Variants in NMNAT2 observed in about 807,000 individuals in gnomAD.
NMNAT2 encodes the protein nicotinamide nucleotide adenylyltransferase 2, also known as nicotinamide/nicotinic acid mononucleotide adenylyltransferase 2.
A neutral mutation model predicts 41.6 loss-of-function variants in NMNAT2; 11 were observed. The ratio of observed to expected loss-of-function variants is 0.26; its 90% CI spans 0.17 to 0.44. The LOEUF is 0.44. Ranked by LOEUF, NMNAT2 falls within the 20% of genes least tolerant of loss-of-function variation. The pLI, the probability that NMNAT2 is intolerant of heterozygous loss-of-function variation, is 1.00. For missense variants in NMNAT2, 288 were observed against 407.7 expected (o/e 0.71, Z 2.53); for synonymous variants, 148 against 151.2 (o/e 0.98, Z 0.16).
intron 8 of NMNAT2, among the ~76,000 whole-genome samples, chr1:183,275,817 A>G (rs554330010): frequency 2.0e-5 from 3 of 152,008 alleles, no homozygotes; most frequent in Admixed American, 2.0e-4. Context: ...GGACTACAGG[A>G]GCCCGCCACC....
At chr1:183,304,782 T>C in intron 1 of NMNAT2, 1 of 1,613,108 alleles carries the variant, frequency 6.2e-7, no homozygotes, top group Non-Finnish European at 8.5e-7. Flanking sequence ...AGCCCTGTGC[T>C]GGCCATCAGA....
chr1:183,304,693 C>T, intron 1 of NMNAT2: 1 of 1,614,104 alleles, frequency 6.2e-7, no homozygotes, highest in Non-Finnish European at 8.5e-7. Flanking sequence ...AAACACTTCC[C>T]AGAGCCCCTG....
At chr1:183,385,598 A>AT (rs908145581) in intron 1 of NMNAT2, among the ~76,000 whole-genome samples, 1,728 of 145,130 alleles carry the variant, frequency 0.012, 15 homozygotes, top group Middle Eastern at 0.069. Flanking sequence ...AGAGCCTGGA[A>AT]TTTTTTTTTT....
intron 1 of NMNAT2, among the ~76,000 whole-genome samples, chr1:183,415,677 C>A (rs550580997): frequency 6.6e-6 from 1 of 152,262 alleles, no homozygotes; most frequent in East Asian, 1.9e-4. Context: ...TAATGTTTTT[C>A]TTATAAGGTT....
chr1:183,336,866 C>T (rs1662686925), intron 1 of NMNAT2, among the ~76,000 whole-genome samples: 1 of 152,162 alleles, frequency 6.6e-6, no homozygotes, highest in African/African-American at 2.4e-5. Context: ...CAATGGAATA[C>T]TTCATAGCAA....
At chr1:183,312,054 C>A (rs1662135356) in intron 1 of NMNAT2, among the ~76,000 whole-genome samples, 2 of 152,126 alleles carry the variant, frequency 1.3e-5, no homozygotes. Flanking sequence ...GAGGCCTCCC[C>A]AGCCACATGG....
chr1:183,299,463 G>A (rs1661791310), intron 1 of NMNAT2, among the ~76,000 whole-genome samples: 1 of 152,194 alleles, frequency 6.6e-6, no homozygotes, highest in African/African-American at 2.4e-5. Flanking sequence ...TCTGAGTGAA[G>A]AAAAGGCAAT....
intron 1 of NMNAT2, among the ~76,000 whole-genome samples, chr1:183,410,553 A>C (rs1340913429): frequency 6.6e-6 from 1 of 151,916 alleles, no homozygotes; most frequent in Non-Finnish European, 1.5e-5. Flanking sequence ...CACTAAAAAA[A>C]ATGCTGGGTC....
chr1:183,330,672 G>A (rs1239675559), intron 1 of NMNAT2, among the ~76,000 whole-genome samples: 1 of 152,200 alleles, frequency 6.6e-6, no homozygotes, highest in Non-Finnish European at 1.5e-5. Context: ...CGCTACAAAT[G>A]TTAAGCACAG....
intron 8 of NMNAT2, among the ~76,000 whole-genome samples, 169 bp from the exon 9 acceptor site, chr1:183,261,472 C>T (rs561608825): frequency 2.6e-5 from 4 of 152,204 alleles, no homozygotes; most frequent in Admixed American, 6.5e-5. Flanking sequence ...CAAGGAACAA[C>T]ACTTAACAGT....
chr1:183,293,867 G>A lies in NMNAT2; in HGVS notation c.86-74C>T, dbSNP rs1018791072. 8 of 1,018,060 alleles carry A rather than the reference G, an allele frequency of 7.9e-6. No homozygotes were observed. In the African/African-American group the frequency reaches 7.9e-5, roughly 10 times the overall value. The allele number at this position is 1,018,060 out of a possible 1,614,324, so 63.1% of individuals were successfully genotyped here. A position where few individuals can be genotyped will look rare whatever the true frequency, so the allele number is the denominator to read the frequency against. ...TAAAGGTGATAATTGAAATCAATACGCTCAGCTCTGTAATGCTGGGGTTTA... is the reference window on the plus strand; with the variant it reads ...TAAAGGTGATAATTGAAATCAATACACTCAGCTCTGTAATGCTGGGGTTTA... On this transcript the variant is annotated intron_variant, in intron 1 of 10. Transcript: ENST00000287713.
chr1:183,367,442 G>A (rs565018223), intron 1 of NMNAT2, among the ~76,000 whole-genome samples: 1 of 152,232 alleles, frequency 6.6e-6, no homozygotes, highest in East Asian at 1.9e-4. Context: ...TGGGCAACAA[G>A]CGCAAAACTC....
At chr1:183,265,542 G>A (rs973579887) in intron 8 of NMNAT2, among the ~76,000 whole-genome samples, 3 of 152,052 alleles carry the variant, frequency 2.0e-5, no homozygotes, top group East Asian at 3.9e-4. Context: ...TGGGATTACA[G>A]GTGTGAGCCA....
intron 4 of NMNAT2, 74 bp downstream of exon 4, chr1:183,290,053 TG>T: frequency 8.2e-7 from 1 of 1,216,312 alleles, no homozygotes; most frequent in Non-Finnish European, 1.2e-6. Context: ...TCTCCCTGCC[TG>T]GTTTCTGTGG....
chr1:183,393,484 A>G (rs1363299263), intron 1 of NMNAT2, among the ~76,000 whole-genome samples: 1 of 152,100 alleles, frequency 6.6e-6, no homozygotes, highest in African/African-American at 2.4e-5. Flanking sequence ...TTTAAAAAAA[A>G]AAAACAGCTT....
intron 1 of NMNAT2, among the ~76,000 whole-genome samples, chr1:183,368,263 G>A (rs1367426344): frequency 6.6e-6 from 1 of 152,150 alleles, no homozygotes. Flanking sequence ...AGCTCGGAGG[G>A]CTTTGCAGAG....
intron 8 of NMNAT2, among the ~76,000 whole-genome samples, chr1:183,264,364 G>T (rs1049730625): frequency 6.6e-6 from 1 of 151,896 alleles, no homozygotes; most frequent in East Asian, 1.9e-4. Flanking sequence ...GCTGTTCAGT[G>T]GGCGGCAAGC....
chr1:183,297,555 T>C (rs1050314168), intron 1 of NMNAT2, among the ~76,000 whole-genome samples: 5 of 152,166 alleles, frequency 3.3e-5, no homozygotes, highest in Admixed American at 3.3e-4. Flanking sequence ...GCTAATTTTG[T>C]ATTTTTAGTA....
At chr1:183,274,406 G>C (rs1015491974) in intron 8 of NMNAT2, among the ~76,000 whole-genome samples, 2 of 151,980 alleles carry the variant, frequency 1.3e-5, no homozygotes, top group Admixed American at 1.3e-4. Flanking sequence ...CTGCCTCCCG[G>C]GTTCAAGCGA....
Sources: gnomAD v4.1 joint callset for allele counts (sites outside exome capture counted in the v4.1 genomes callset) on GRCh38, gnomAD v4.1.1 for gene constraint, MANE v1.5 for transcripts, NCBI Gene and HGNC (gene_info 2026-07-23, HGNC 2026-07-21) for gene names.